The following FAT3 variants were observed in gnomAD, a reference collection of about 807,000 sequenced individuals.
The protein encoded by FAT3 is FAT atypical cadherin 3.
FAT3 carries 95 observed loss-of-function variants against 310.2 expected under a neutral mutation model. The observed-to-expected ratio is 0.31, with a 90% CI of 0.26 to 0.36. The LOEUF is 0.36. Among genes scored for constraint, FAT3 ranks in the 10% least tolerant of loss-of-function variants. The probability of loss-of-function intolerance (pLI) is 1.00; values close to 1 mark genes in which losing one functional copy is unlikely to be tolerated. For missense variants in FAT3, 5,408 were observed against 5,715.6 expected (o/e 0.95, Z 1.74); for synonymous variants, 2,314 against 2,192.9 (o/e 1.06, Z -1.54).
chr11:92,847,936 C>T (rs187646593), intron 19 of FAT3, among the ~76,000 whole-genome samples: 1 of 151,996 alleles, frequency 6.6e-6, no homozygotes, highest in Non-Finnish European at 1.5e-5. Context: ...CACACACACA[C>T]ACACAGACGT....
At chr11:92,332,188 CT>C (rs1433210052) in intron 1 of FAT3, among the ~76,000 whole-genome samples, 1 of 152,224 alleles carries the variant, frequency 6.6e-6, no homozygotes, top group Non-Finnish European at 1.5e-5. Context: ...TCCAGTTGAA[CT>C]ATACTGGGTC....
At chr11:92,752,320 A>C (rs980622277) in intron 4 of FAT3, among the ~76,000 whole-genome samples, 11 of 152,272 alleles carry the variant, frequency 7.2e-5, no homozygotes, top group Admixed American at 7.2e-4. Context: ...CCACTTGAGA[A>C]TAGTGTGACC....
chr11:92,369,554 G>C lies in FAT3; in HGVS notation c.3292+14150G>C. On this transcript the variant is annotated intron_variant, in intron 2 of 27. Coordinates refer to ENST00000525166, the MANE Select transcript of FAT3 (RefSeq NM_001367949.2). ...CCCTGGAAATTCTGTAGCCAAAGCA[G>C]CCTTTGAAGAATAAGAAATCTGCAA... Among the ~76,000 whole-genome samples the C allele has an allele frequency of 1.3e-5, 2 of 152,132 alleles. 1 individual carries two copies. Among genetic ancestry groups the C allele is most frequent in the South Asian group, 4.1e-4 (2 of 4,820 alleles).
intron 2 of FAT3, among the ~76,000 whole-genome samples, chr11:92,420,892 G>A (rs1261090863): frequency 6.6e-6 from 1 of 152,084 alleles, no homozygotes; most frequent in Non-Finnish European, 1.5e-5. Flanking sequence ...TTTAAGACTA[G>A]TAATAGGTTT....
Position 92,840,744 on chromosome 11 carries a change from CGTG to C in FAT3, c.10552_10554del (p.Val3518del), listed in dbSNP as rs1457305614. 3.1e-6 allele frequency: 5 copies of C among 1,590,100 alleles called. No individual in the cohort carries two copies. Among genetic ancestry groups the C allele is most frequent in the Non-Finnish European group, 4.3e-6 (5 of 1,160,694 alleles). On this transcript the variant is annotated inframe_deletion, in exon 18 of 28. Transcript: ENST00000525166. ...TCCAGCACACAGAGTCTCTGGAATACGTGTTGTGTGTCCAGGTATGGCATCGCA... is the reference window on the plus strand; with the variant it reads ...TCCAGCACACAGAGTCTCTGGAATACTTGTGTGTCCAGGTATGGCATCGCA...
intron 4 of FAT3, among the ~76,000 whole-genome samples, chr11:92,698,590 G>GATTATT (rs990418730): frequency 6.6e-6 from 1 of 151,416 alleles, no homozygotes; most frequent in Non-Finnish European, 1.5e-5. Context: ...TATAATAAAG[G>GATTATT]ATTATTATTA....
At chr11:92,534,391 A>G (rs555484749) in intron 3 of FAT3, among the ~76,000 whole-genome samples, 1 of 152,220 alleles carries the variant, frequency 6.6e-6, no homozygotes, top group Non-Finnish European at 1.5e-5. Context: ...TAATGCTAAA[A>G]ATAAATGCTA....
intron 2 of FAT3, among the ~76,000 whole-genome samples, chr11:92,395,868 C>A (rs1227063466): frequency 6.6e-6 from 1 of 152,120 alleles, no homozygotes; most frequent in East Asian, 1.9e-4. Context: ...CATCAGCCAC[C>A]ACGCCCGGCC....
intron 4 of FAT3, among the ~76,000 whole-genome samples, chr11:92,748,219 C>A (rs1451288057): frequency 6.6e-6 from 1 of 152,104 alleles, no homozygotes; most frequent in Non-Finnish European, 1.5e-5. Flanking sequence ...TCCATGGCAG[C>A]AGGCTAGAGG....
chr11:92,589,004 G>A (rs749114458), intron 3 of FAT3, among the ~76,000 whole-genome samples: 1 of 152,128 alleles, frequency 6.6e-6, no homozygotes, highest in Non-Finnish European at 1.5e-5. Flanking sequence ...TCTGAGGTGA[G>A]AGTACATGTT....
chr11:92,320,880 A>AAAAG (rs1555010870), intron 1 of FAT3, among the ~76,000 whole-genome samples: 1 of 148,466 alleles, frequency 6.7e-6, no homozygotes, highest in African/African-American at 2.5e-5. Context: ...AAAAAAAAAA[A>AAAAG]GGGGGGGGTA....
intron 1 of FAT3, among the ~76,000 whole-genome samples, chr11:92,260,502 T>C (rs1865504651): frequency 6.6e-6 from 1 of 152,100 alleles, no homozygotes; most frequent in Non-Finnish European, 1.5e-5. Flanking sequence ...TGACAATTTC[T>C]TTAAAATCTT....
chr11:92,455,482 T>G (rs766838165), intron 2 of FAT3, among the ~76,000 whole-genome samples: 3 of 152,118 alleles, frequency 2.0e-5, no homozygotes, highest in Non-Finnish European at 4.4e-5. Context: ...AAGCATGGCT[T>G]CTTACAGGTA....
chr11:92,772,690 T>C (rs776967187), intron 6 of FAT3, among the ~76,000 whole-genome samples: 1 of 152,142 alleles, frequency 6.6e-6, no homozygotes, highest in Non-Finnish European at 1.5e-5. Context: ...TTTAATTAAA[T>C]GTCAAGGGCA....
intron 2 of FAT3, chr11:92,498,846 C>G (rs978042698): frequency 6.6e-6 from 1 of 152,106 alleles, no homozygotes; most frequent in Admixed American, 6.6e-5. Context: ...TACATTATAC[C>G]AATATATCTT....
intron 1 of FAT3, among the ~76,000 whole-genome samples, chr11:92,276,474 G>A (rs543155636): frequency 6.6e-6 from 1 of 152,204 alleles, no homozygotes; most frequent in South Asian, 2.1e-4. Context: ...TAAGATGGTG[G>A]TGTCTACTAC....
chr11:92,774,213 C>A, intron 7 of FAT3, 33 bp downstream of exon 7: 4 of 1,566,520 alleles, frequency 2.6e-6, no homozygotes, highest in Non-Finnish European at 2.6e-6. Flanking sequence ...AGCAGGAATG[C>A]TGAAAGAGCT....
At chr11:92,284,869 A>G (rs1262352596) in intron 1 of FAT3, among the ~76,000 whole-genome samples, 3 of 152,146 alleles carry the variant, frequency 2.0e-5, no homozygotes, top group Admixed American at 6.6e-5. Context: ...CTCTATAAAT[A>G]TCTTCTGGGT....
At chr11:92,540,614 T>C (rs561182304) in intron 3 of FAT3, among the ~76,000 whole-genome samples, 50 of 152,306 alleles carry the variant, frequency 3.3e-4, no homozygotes, top group Middle Eastern at 3.4e-3. Context: ...ATTTCAGTAA[T>C]TTCTGTGTCT....
Sources: allele counts gnomAD v4.1 joint callset (sites outside exome capture counted in the v4.1 genomes callset), GRCh38; gene constraint gnomAD v4.1.1; transcripts MANE v1.5; gene names NCBI Gene and HGNC (gene_info 2026-07-23, HGNC 2026-07-21).